The following SPATA21 variants were observed in gnomAD, a reference collection of about 807,000 sequenced individuals.
SPATA21 encodes the protein spermatogenesis associated 21, also known as spermatogenesis-associated protein 21.
In SPATA21, 47 loss-of-function variants were observed where a neutral mutation model predicts 54.8. That is an observed-to-expected ratio of 0.86 (90% CI 0.68 to 1.09). The LOEUF is 1.09. Ranked by LOEUF, SPATA21 falls within the 50% of genes least tolerant of loss-of-function variation. SPATA21 has a pLI of 0.00. For synonymous variants in SPATA21, 245 were observed against 235.3 expected (o/e 1.04, Z -0.38); for missense variants, 599 against 596.4 (o/e 1.00, Z -0.05).
In SPATA21 at chr1:16,432,816, C is replaced by T. The variant is rs1389793260; in HGVS notation, c.-78G>A. On this transcript the variant is annotated 5_prime_UTR_variant, in exon 2 of 13. Coordinates refer to ENST00000335496, the MANE Select transcript of SPATA21 (RefSeq NM_198546.1). ...TTGAAGATCTTGATGGTGCTTCTTC[C>T]ACTTTAAATCATGGCAGGCCCGCCA... The T allele has an allele frequency of 6.6e-6, 1 of 152,240 alleles. No individual in the cohort carries two copies. Among genetic ancestry groups the T allele is most frequent in the Non-Finnish European group, 1.5e-5 (1 of 68,098 alleles). 9.4% of individuals were successfully genotyped at this position (152,240 alleles called of 1,614,324 possible).
At chr1:16,431,191 A>C in intron 3 of SPATA21, 147 bp downstream of exon 3, 3 of 1,519,350 alleles carry the variant, frequency 2.0e-6, no homozygotes, top group Non-Finnish European at 2.7e-6. Flanking sequence ...AGGGGAAGGG[A>C]AAGGTGCCAG....
chr1:16,398,058 T>TCCCAC, downstream of SPATA21: 1 of 884,322 alleles, frequency 1.1e-6, no homozygotes, highest in South Asian at 5.2e-5. Flanking sequence ...AGCTGCCCAC[T>TCCCAC]CCCACCCCAC....
At chr1:16,404,574 T>C (rs1347697703) in intron 8 of SPATA21, among the ~76,000 whole-genome samples, 1 of 152,206 alleles carries the variant, frequency 6.6e-6, no homozygotes, top group Admixed American at 6.5e-5. Flanking sequence ...CCCAGCACTT[T>C]GAGAGGCTGA....
At chr1:16,427,383 C>T (rs1263127460) in intron 3 of SPATA21, among the ~76,000 whole-genome samples, 1 of 151,962 alleles carries the variant, frequency 6.6e-6, no homozygotes, top group Non-Finnish European at 1.5e-5. Context: ...ATTATCCCAG[C>T]CTTTCACTTT....
At chr1:16,399,095 CAGTT>C (rs1473851716) in intron 12 of SPATA21, among the ~76,000 whole-genome samples, 4 of 152,314 alleles carry the variant, frequency 2.6e-5, no homozygotes, top group African/African-American at 7.2e-5. Flanking sequence ...TCAGAGTACT[CAGTT>C]AGGTGCCACT....
intron 5 of SPATA21, among the ~76,000 whole-genome samples, chr1:16,411,269 C>A (rs1213746136): frequency 6.6e-6 from 1 of 152,170 alleles, no homozygotes; most frequent in Non-Finnish European, 1.5e-5. Context: ...TCACTGCCAC[C>A]TTGAATTCCT....
chr1:16,427,023 T>C (rs1271540080), intron 3 of SPATA21, among the ~76,000 whole-genome samples: 1 of 152,144 alleles, frequency 6.6e-6, no homozygotes, highest in Non-Finnish European at 1.5e-5. Flanking sequence ...ACCATTTCCC[T>C]ATTGTGTGGG....
At chr1:16,402,249 CTTTTTTTTTT>C (rs869032281) in intron 10 of SPATA21, among the ~76,000 whole-genome samples, 28 of 55,954 alleles carry the variant, frequency 5.0e-4, no homozygotes, top group Middle Eastern at 0.021. Context: ...AGCTGCCATT[CTTTTTTTTTT>C]TTTTTTTTTT....
intron 12 of SPATA21, 100 bp downstream of exon 12, chr1:16,399,244 A>G (rs1225764374): frequency 4.5e-6 from 6 of 1,339,350 alleles, no homozygotes; most frequent in African/African-American, 2.9e-5. Flanking sequence ...CCTCTCAGGT[A>G]TGATCTCTTA....
intron 3 of SPATA21, among the ~76,000 whole-genome samples, chr1:16,430,434 A>G (rs2086431317): frequency 6.6e-6 from 1 of 152,152 alleles, no homozygotes; most frequent in Admixed American, 6.6e-5. Context: ...GCCTGTCTCA[A>G]AAATAAACAA....
intron 8 of SPATA21, 43 bp downstream of exon 8, chr1:16,404,924 C>T (rs908791418): frequency 2.6e-6 from 4 of 1,515,482 alleles, no homozygotes; most frequent in Non-Finnish European, 3.5e-6. Context: ...GCCAGTGAAG[C>T]AGGCCCTGCC....
At chr1:16,396,435 T>C (rs1312662013), downstream of SPATA21, 2 of 152,304 alleles carry the variant, frequency 1.3e-5, no homozygotes, top group South Asian at 4.1e-4. Flanking sequence ...CGTCACCCCT[T>C]TTTCCAGAGC....
chr1:16,427,169 A>T (rs2086346263), intron 3 of SPATA21, among the ~76,000 whole-genome samples: 1 of 152,112 alleles, frequency 6.6e-6, no homozygotes, highest in Non-Finnish European at 1.5e-5. Flanking sequence ...GGGAGTTTCA[A>T]GGCAGTTTAA....
In SPATA21 at chr1:16,423,511, C is replaced by CATGAATT. The variant is rs1330274932; in HGVS notation, c.35-1547_35-1541dup. Among the ~76,000 whole-genome samples, 19 of 146,508 alleles carry CATGAATT rather than the reference C, an allele frequency of 1.3e-4. 1 individual carries two copies. Among genetic ancestry groups the CATGAATT allele is most frequent in the Admixed American group, 6.8e-5 (1 of 14,666 alleles). Reference sequence around the variant, plus strand: ...GAACAACATGTTGATACACACAATACATGAATTTCTTTCTCTTTCTCTCTC... The same window carrying CATGAATT: ...GAACAACATGTTGATACACACAATACATGAATTATGAATTTCTTTCTCTTTCTCTCTC... On this transcript the variant is annotated intron_variant, in intron 3 of 12. Transcript: ENST00000335496.
At chr1:16,414,065 TC>T (rs2085929916) in intron 5 of SPATA21, among the ~76,000 whole-genome samples, 1 of 151,908 alleles carries the variant, frequency 6.6e-6, no homozygotes, top group Non-Finnish European at 1.5e-5. Flanking sequence ...AGCCTAGAGT[TC>T]TTTTTTTTTA....
intron 12 of SPATA21, among the ~76,000 whole-genome samples, 185 bp from the exon 13 acceptor site, chr1:16,399,007 G>A (rs1470489817): frequency 6.6e-6 from 1 of 152,200 alleles, no homozygotes; most frequent in African/African-American, 2.4e-5. Context: ...CAGCGGCCTG[G>A]AGGGGGACTG....
In SPATA21 at chr1:16,409,650, C is replaced by T. The variant is rs376263756; in HGVS notation, c.538G>A (p.Glu180Lys). ...CTCTCGCTGCTCTGGTGCAAGAGTT[C>T]CATCCTTCTCCAGCCCAGGTCCAGG... ...PALDLGWRRM[E>K]LLHQSSERTL... The change falls in exon 6 of 13, where the codon GAA (glutamate) becomes AAA (lysine). Residue 180 changes from glutamate to lysine, a missense_variant. By Grantham distance (56) the Glu-to-Lys change is moderately conservative. Coordinates refer to ENST00000335496, the MANE Select transcript of SPATA21 (RefSeq NM_198546.1). This position sits in a 1 kb window ranked among gnomAD's most constrained non-coding sequence, Gnocchi z 4.1. The T allele has an allele frequency of 5.0e-5, 81 of 1,613,114 alleles. No homozygotes were observed. Among genetic ancestry groups the T allele is most frequent in the Middle Eastern group, 1.8e-4 (1 of 5,584 alleles).
chr1:16,406,624 C>T (rs1456063174), intron 7 of SPATA21, among the ~76,000 whole-genome samples: 1 of 152,154 alleles, frequency 6.6e-6, no homozygotes, highest in African/African-American at 2.4e-5. Flanking sequence ...TGCCTGTAGT[C>T]CCAGCTACTC....
chr1:16,408,869 CAAAAAA>C (rs141121121), intron 7 of SPATA21, among the ~76,000 whole-genome samples: 5 of 118,148 alleles, frequency 4.2e-5, no homozygotes, highest in Admixed American at 9.0e-5. Context: ...GACTCTGTCT[CAAAAAA>C]AAAAAAAAAA....
Sources: gnomAD v4.1 joint callset for allele counts (sites outside exome capture counted in the v4.1 genomes callset) on GRCh38, gnomAD v4.1.1 for gene constraint, Gnocchi (gnomAD v3.1) non-coding constraint, MANE v1.5 for transcripts, NCBI Gene and HGNC (gene_info 2026-07-23, HGNC 2026-07-21) for gene names.